The following GNG2 variants were observed in gnomAD, a reference collection of about 807,000 sequenced individuals.
GNG2 encodes G protein subunit gamma 2.
Under a neutral mutation model 5.5 loss-of-function variants are expected in GNG2, and 5 were observed. The observed-to-expected ratio is 0.91, with a 90% CI of 0.48 to 1.92. GNG2 has a LOEUF of 1.92. GNG2 is among the 30% of genes most tolerant of loss of function. GNG2 has a pLI of 0.01. For missense variants in GNG2, 55 were observed against 88.4 expected (o/e 0.62, Z 1.52); for synonymous variants, 28 against 32.0 (o/e 0.88, Z 0.42).
chr14:51,906,121 T>C (rs1424660997), intron 2 of GNG2, among the ~76,000 whole-genome samples: 1 of 152,266 alleles, frequency 6.6e-6, no homozygotes, highest in Non-Finnish European at 1.5e-5. Context: ...TATCACTTTA[T>C]TGCACAGAAG....
At chr14:51,916,275 CAG>C (rs1341575227) in intron 2 of GNG2, 1 of 278,210 alleles carries the variant, frequency 3.6e-6, no homozygotes. Context: ...ATTATTATTT[CAG>C]CTAGACGAAA....
chr14:51,958,437 G>GC (rs1449394628), intron 3 of GNG2, among the ~76,000 whole-genome samples: 1 of 46,784 alleles, frequency 2.1e-5, no homozygotes, highest in Non-Finnish European at 9.1e-5. Flanking sequence ...TCTCTCTTCC[G>GC]TTCCCCCCCC....
chr14:51,942,589 C>CTTTCTTTTTCT (rs761049973), intron 2 of GNG2, among the ~76,000 whole-genome samples: 1 of 81,146 alleles, frequency 1.2e-5, no homozygotes, highest in Non-Finnish European at 2.3e-5. Context: ...TTCTTTCTTT[C>CTTTCTTTTTCT]TTTTTTTTTT....
chr14:51,966,813 A>G lies in GNG2; in HGVS notation c.*126A>G. The G allele has an allele frequency of 1.3e-6, 1 of 771,172 alleles. No individual in the cohort carries two copies. The highest frequency in any genetic ancestry group is 2.2e-6 in the Non-Finnish European group (1 of 461,666). 47.8% of individuals were successfully genotyped at this position (771,172 alleles called of 1,614,324 possible). On this transcript the variant is annotated 3_prime_UTR_variant, in exon 4 of 4. Coordinates refer to ENST00000556766, the MANE Select transcript of GNG2 (RefSeq NM_053064.5). ...CGAGGAGAACCATTCTGGAAACTCT[A>G]GGCTATGCATGTTTAAAGATCTGGT...
intron 2 of GNG2, among the ~76,000 whole-genome samples, chr14:51,907,720 A>C (rs573251067): frequency 6.6e-6 from 1 of 152,302 alleles, no homozygotes; most frequent in East Asian, 1.9e-4. Context: ...TTGATAACCA[A>C]ATTTGATTTC....
At chr14:51,888,258 A>G (rs1169240990) in intron 2 of GNG2, among the ~76,000 whole-genome samples, 4 of 152,260 alleles carry the variant, frequency 2.6e-5, no homozygotes, top group Admixed American at 1.3e-4. Flanking sequence ...GTATACCACA[A>G]TATGTTTATC....
intron 1 of GNG2, among the ~76,000 whole-genome samples, chr14:51,866,721 G>A (rs771135473): frequency 2.0e-5 from 3 of 152,160 alleles, no homozygotes; most frequent in Non-Finnish European, 4.4e-5. Context: ...TCTTATAAGG[G>A]CACTAATCCC....
chr14:51,964,958 A>G (rs949752396), intron 3 of GNG2, among the ~76,000 whole-genome samples: 2 of 152,202 alleles, frequency 1.3e-5, no homozygotes, highest in Non-Finnish European at 2.9e-5. Context: ...CAAATCAAGG[A>G]TATTGCCACT....
chr14:51,877,407 C>T (rs1227215551), intron 1 of GNG2, among the ~76,000 whole-genome samples: 1 of 152,162 alleles, frequency 6.6e-6, no homozygotes, highest in Non-Finnish European at 1.5e-5. Context: ...TCCAATTTCA[C>T]AAATCTATTT....
intron 2 of GNG2, among the ~76,000 whole-genome samples, chr14:51,833,980 T>TA (rs1881267227): frequency 3.8e-5 from 1 of 26,280 alleles, no homozygotes; most frequent in Non-Finnish European, 3.4e-4. Flanking sequence ...AGCATCAGAC[T>TA]GCCTTGAGAC....
chr14:51,950,645 T>C lies in GNG2; in HGVS notation c.-29-5T>C. The C allele has an allele frequency of 6.6e-7, 1 of 1,510,892 alleles. No homozygotes were observed. Among genetic ancestry groups the C allele is most frequent in the Non-Finnish European group, 9.2e-7 (1 of 1,092,228 alleles). 93.6% of individuals were successfully genotyped at this position (1,510,892 alleles called of 1,614,324 possible). ...GTACAATCTTCTTTTTGTTTTCTTT[T>C]CTAGTGTTTCTGAAAGATCTATCCA... On this transcript the variant is annotated splice_polypyrimidine_tract_variant and splice_region_variant and intron_variant, in intron 2 of 3. Coordinates refer to ENST00000556766, the MANE Select transcript of GNG2 (RefSeq NM_053064.5).
intron 2 of GNG2, among the ~76,000 whole-genome samples, chr14:51,895,333 GA>G (rs1408083968): frequency 1.3e-5 from 2 of 152,164 alleles, no homozygotes; most frequent in East Asian, 1.9e-4. Flanking sequence ...AATAATAGGT[GA>G]AAGTACTTGA....
intron 2 of GNG2, among the ~76,000 whole-genome samples, chr14:51,932,427 T>A (rs192634449): frequency 6.4e-4 from 97 of 152,244 alleles, no homozygotes; most frequent in African/African-American, 2.0e-3. Context: ...TCCACTTTTA[T>A]GAGTTATCTA....
intron 1 of GNG2, among the ~76,000 whole-genome samples, chr14:51,866,364 C>T (rs1882885671): frequency 6.6e-6 from 1 of 152,180 alleles, no homozygotes; most frequent in African/African-American, 2.4e-5. Flanking sequence ...TGTGCATTTT[C>T]AATGGAAACC....
chr14:51,929,308 A>G (rs1251260748), intron 2 of GNG2, among the ~76,000 whole-genome samples: 1 of 152,174 alleles, frequency 6.6e-6, no homozygotes, highest in Non-Finnish European at 1.5e-5. Context: ...GTTTCTGTTC[A>G]TCCCATTCCT....
Position 51,863,613 on chromosome 14 carries a change from C to A in GNG2, c.-71+2823C>A, listed in dbSNP as rs1261067570. 2.0e-5 allele frequency among the ~76,000 whole-genome samples: 3 copies of A among 152,134 alleles called. No homozygotes were observed. In the East Asian group the frequency reaches 5.8e-4, roughly 29 times the overall value. On this transcript the variant is annotated intron_variant, in intron 1 of 3. Coordinates refer to ENST00000556766, the MANE Select transcript of GNG2 (RefSeq NM_053064.5). ...CGAGTACATTGATGTGCTGTCATCACCACCGTCCATCCATAGAACTGTCTT... is the reference window on the plus strand; with the variant it reads ...CGAGTACATTGATGTGCTGTCATCAACACCGTCCATCCATAGAACTGTCTT...
At chr14:51,931,732 G>A (rs1887669661) in intron 2 of GNG2, among the ~76,000 whole-genome samples, 1 of 152,130 alleles carries the variant, frequency 6.6e-6, no homozygotes, top group Admixed American at 6.5e-5. Flanking sequence ...TGGAACTGCT[G>A]GTGAGAACGT....
intron 2 of GNG2, among the ~76,000 whole-genome samples, chr14:51,935,542 T>G (rs748003631): frequency 7.9e-5 from 12 of 152,092 alleles, no homozygotes; most frequent in Non-Finnish European, 1.6e-4. Context: ...TGCTCCCAAT[T>G]TGGGGGGATG....
chr14:51,844,103 A>T (rs1265512256), intron 2 of GNG2, among the ~76,000 whole-genome samples: 1 of 152,218 alleles, frequency 6.6e-6, no homozygotes, highest in Non-Finnish European at 1.5e-5. Flanking sequence ...GCTGTCCCAG[A>T]TATTCAACCA....
Sources: allele counts gnomAD v4.1 joint callset (sites outside exome capture counted in the v4.1 genomes callset), GRCh38; gene constraint gnomAD v4.1.1; transcripts MANE v1.5; gene names NCBI Gene and HGNC (gene_info 2026-07-23, HGNC 2026-07-21).